The following SNTB1 variants were observed in gnomAD, a reference collection of about 807,000 sequenced individuals.
The protein encoded by SNTB1 is syntrophin beta 1.
In SNTB1, 36 loss-of-function variants were observed where a neutral mutation model predicts 48.9. That is an observed-to-expected ratio of 0.74 (90% CI 0.56 to 0.97). SNTB1 has a LOEUF of 0.97. Ranked by LOEUF, SNTB1 falls within the 50% of genes least tolerant of loss-of-function variation. The pLI is 0.00. For synonymous variants in SNTB1, 299 were observed against 294.6 expected, an observed-to-expected ratio of 1.01 and a Z score of -0.15; for missense variants, 786 against 703.4, an observed-to-expected ratio of 1.12 and a Z score of -1.33.
intron 2 of SNTB1, among the ~76,000 whole-genome samples, chr8:120,680,838 GT>G (rs1199032886): frequency 1.3e-5 from 2 of 152,190 alleles, no homozygotes; most frequent in Non-Finnish European, 2.9e-5. Flanking sequence ...AGATGGTCAA[GT>G]TTAACCTCTC....
At chr8:120,687,503 C>G (rs559198573) in intron 2 of SNTB1, among the ~76,000 whole-genome samples, 1 of 152,156 alleles carries the variant, frequency 6.6e-6, no homozygotes, top group Non-Finnish European at 1.5e-5. Context: ...AGGGTTACCT[C>G]GGCAAGGCTC....
intron 2 of SNTB1, among the ~76,000 whole-genome samples, chr8:120,647,396 T>C (rs1437134240): frequency 6.7e-6 from 1 of 150,124 alleles, no homozygotes; most frequent in Non-Finnish European, 1.5e-5. Context: ...AAAGAACATC[T>C]TTATTTCTGC....
chr8:120,733,492 C>A (rs1270590432), intron 1 of SNTB1, among the ~76,000 whole-genome samples: 2 of 152,224 alleles, frequency 1.3e-5, no homozygotes, highest in Non-Finnish European at 2.9e-5. Context: ...ATTAAGCCAA[C>A]CAAGTAATAT....
At chr8:120,644,497 A>G (rs914790673) in intron 2 of SNTB1, among the ~76,000 whole-genome samples, 6 of 152,008 alleles carry the variant, frequency 3.9e-5, no homozygotes, top group Non-Finnish European at 8.8e-5. Flanking sequence ...TGAACTCATC[A>G]TTTTTTATGG....
At chr8:120,719,841 A>G (rs1046764813) in intron 1 of SNTB1, among the ~76,000 whole-genome samples, 2 of 152,202 alleles carry the variant, frequency 1.3e-5, no homozygotes, top group African/African-American at 4.8e-5. Context: ...TGCTCACATC[A>G]GTCCTCATGC....
chr8:120,777,281 T>C (rs1365677457), intron 1 of SNTB1, among the ~76,000 whole-genome samples: 1 of 152,162 alleles, frequency 6.6e-6, no homozygotes, highest in Non-Finnish European at 1.5e-5. Flanking sequence ...AGACCATGCA[T>C]CACAATCTTG....
intron 6 of SNTB1, among the ~76,000 whole-genome samples, chr8:120,540,237 C>T (rs1275001875): frequency 1.3e-5 from 2 of 152,138 alleles, no homozygotes; most frequent in Non-Finnish European, 2.9e-5. Context: ...CATCTCTGGT[C>T]CCTTCCCCCT....
chr8:120,801,645 G>T (rs557616942), intron 1 of SNTB1, among the ~76,000 whole-genome samples: 2 of 151,782 alleles, frequency 1.3e-5, no homozygotes, highest in African/African-American at 4.8e-5. Flanking sequence ...CAAACTGTCC[G>T]ATTTTTTCAT....
chr8:120,725,211 A>G (rs568397561), intron 1 of SNTB1, among the ~76,000 whole-genome samples: 1 of 152,272 alleles, frequency 6.6e-6, no homozygotes, highest in East Asian at 1.9e-4. Context: ...CTTCAAACCT[A>G]TGGGAGGTGG....
chr8:120,778,544 T>C (rs936897244), intron 1 of SNTB1, among the ~76,000 whole-genome samples: 1 of 152,170 alleles, frequency 6.6e-6, no homozygotes, highest in Non-Finnish European at 1.5e-5. Context: ...AGGATGAGAA[T>C]GGAGGTAGGG....
At chr8:120,741,532 T>G (rs1182941512) in intron 1 of SNTB1, among the ~76,000 whole-genome samples, 6 of 152,074 alleles carry the variant, frequency 3.9e-5, no homozygotes, top group Non-Finnish European at 8.8e-5. Flanking sequence ...TTGCTTGAAC[T>G]TGGGAGGCGG....
rs1816961493 is a variant in SNTB1 at position 120,630,487 on chromosome 8, A to G, written c.996+1957T>C. Among the ~76,000 whole-genome samples, 3 of 152,112 alleles carry G rather than the reference A, an allele frequency of 2.0e-5. No homozygotes were observed. In the South Asian group the frequency reaches 6.2e-4, roughly 32 times the overall value. On this transcript the variant is annotated intron_variant, in intron 3 of 6. Transcript: ENST00000517992. ...TCCCAAACCTTGGCTATACCTTATAAATTATTCCTGCATTAAATCCTTTCC... is the reference window on the plus strand; with the variant it reads ...TCCCAAACCTTGGCTATACCTTATAGATTATTCCTGCATTAAATCCTTTCC...
intron 2 of SNTB1, among the ~76,000 whole-genome samples, chr8:120,662,751 A>G (rs1428739700): frequency 6.6e-6 from 1 of 152,210 alleles, no homozygotes; most frequent in Non-Finnish European, 1.5e-5. Flanking sequence ...AGGGGTGTTT[A>G]TCAATTATCA....
chr8:120,547,143 C>T (rs1396262800), intron 5 of SNTB1, among the ~76,000 whole-genome samples: 1 of 152,158 alleles, frequency 6.6e-6, no homozygotes, highest in Non-Finnish European at 1.5e-5. Flanking sequence ...ATGAGATAGG[C>T]AAAGTATTGT....
At chr8:120,600,877 G>A (rs551087286) in intron 3 of SNTB1, among the ~76,000 whole-genome samples, 1 of 151,980 alleles carries the variant, frequency 6.6e-6, no homozygotes, top group South Asian at 2.1e-4. Flanking sequence ...ATATGAGTGA[G>A]GAGATGGGGC....
intron 2 of SNTB1, among the ~76,000 whole-genome samples, chr8:120,692,098 T>G (rs1818138664): frequency 6.6e-6 from 1 of 152,162 alleles, no homozygotes; most frequent in Non-Finnish European, 1.5e-5. Flanking sequence ...TTGCTGGCTT[T>G]CTTGTACAAC....
intron 3 of SNTB1, among the ~76,000 whole-genome samples, chr8:120,608,558 C>A (rs112678598): frequency 6.6e-6 from 1 of 152,138 alleles, no homozygotes. Flanking sequence ...CTGAACAAAC[C>A]AACCCTGCTG....
At chr8:120,667,579 TG>T (rs1817694270) in intron 2 of SNTB1, among the ~76,000 whole-genome samples, 2 of 152,182 alleles carry the variant, frequency 1.3e-5, no homozygotes, top group South Asian at 4.1e-4. Flanking sequence ...TTGCCCAGGC[TG>T]GTGTTTGGCC....
rs140519997 is a variant in SNTB1 at position 120,714,888 on chromosome 8, A to G, written c.572-20980T>C. ...CAACATCTGTTCTTACATTCAACAC[A>G]GGCCACCTCTGATATTTATTGCATT... On this transcript the variant is annotated intron_variant, in intron 1 of 6. Transcript: ENST00000517992. Among the ~76,000 whole-genome samples the G allele has an allele frequency of 4.9e-4, 75 of 152,332 alleles. 1 individual carries two copies. The East Asian group carries it at 0.012, about 25-fold the overall frequency.
Sources: gnomAD v4.1 joint callset for allele counts (sites outside exome capture counted in the v4.1 genomes callset) on GRCh38, gnomAD v4.1.1 for gene constraint, MANE v1.5 for transcripts, NCBI Gene and HGNC (gene_info 2026-07-23, HGNC 2026-07-21) for gene names.